Variants in BBS9 observed in about 807,000 individuals in gnomAD.
The protein encoded by BBS9 is Bardet-Biedl syndrome 9.
Under a neutral mutation model 117.7 loss-of-function variants are expected in BBS9, and 89 were observed. The ratio of observed to expected loss-of-function variants is 0.76; its 90% CI spans 0.64 to 0.90. The LOEUF is 0.90. Among genes scored for constraint, BBS9 ranks in the 40% least tolerant of loss-of-function variants. BBS9 has a pLI of 0.00. For synonymous variants in BBS9, 379 were observed against 370.9 expected, an observed-to-expected ratio of 1.02 and a Z score of -0.25; for missense variants, 982 against 1,042.2, an observed-to-expected ratio of 0.94 and a Z score of 0.80.
intron 7 of BBS9, among the ~76,000 whole-genome samples, chr7:33,269,376 G>T (rs896681531): frequency 6.6e-6 from 1 of 152,012 alleles, no homozygotes; most frequent in African/African-American, 2.4e-5. Flanking sequence ...TGCCTGTCAG[G>T]GACCCTGGCT....
chr7:33,153,399 A>G (rs1793649476), intron 3 of BBS9, among the ~76,000 whole-genome samples: 1 of 152,170 alleles, frequency 6.6e-6, no homozygotes, highest in African/African-American at 2.4e-5. Context: ...ACTTTGGGTA[A>G]TATGTCTGCT....
intron 5 of BBS9, among the ~76,000 whole-genome samples, chr7:33,223,850 G>A (rs562176706): frequency 1.7e-3 from 253 of 152,252 alleles, no homozygotes; most frequent in African/African-American, 5.9e-3. Context: ...GATAGCTTCC[G>A]CTCCAAGGCT....
At chr7:33,404,468 A>G (rs1436847599) in intron 19 of BBS9, among the ~76,000 whole-genome samples, 1 of 152,018 alleles carries the variant, frequency 6.6e-6, no homozygotes, top group Non-Finnish European at 1.5e-5. Flanking sequence ...GATTCTTCCT[A>G]CCCATGAGCA....
intron 9 of BBS9, among the ~76,000 whole-genome samples, chr7:33,306,978 TGTAC>T (rs919743829): frequency 7.1e-5 from 8 of 113,370 alleles, no homozygotes; most frequent in Non-Finnish European, 1.5e-4. Context: ...GAACATTGTA[TGTAC>T]GCGGTATCTG....
chr7:33,630,880 A>C (rs1025633575), intron 21 of BBS9, among the ~76,000 whole-genome samples: 1 of 152,170 alleles, frequency 6.6e-6, no homozygotes, highest in Non-Finnish European at 1.5e-5. Context: ...TGTGCCAGGC[A>C]CTGTGCTTAG....
At chr7:33,331,779 A>T (rs2128612459) in intron 9 of BBS9, among the ~76,000 whole-genome samples, 1 of 152,276 alleles carries the variant, frequency 6.6e-6, no homozygotes, top group African/African-American at 2.4e-5. Context: ...AAAACTGCAA[A>T]ACACTGCTGG....
intron 19 of BBS9, among the ~76,000 whole-genome samples, chr7:33,447,325 G>A (rs1837138807): frequency 6.6e-6 from 1 of 152,180 alleles, no homozygotes; most frequent in African/African-American, 2.4e-5. Flanking sequence ...ACCTCTCAAA[G>A]AAATAGATGT....
At chr7:33,424,364 G>A (rs1463941588) in intron 19 of BBS9, among the ~76,000 whole-genome samples, 1 of 152,118 alleles carries the variant, frequency 6.6e-6, no homozygotes, top group Non-Finnish European at 1.5e-5. Context: ...TAGTAGTTCT[G>A]AAATTTGCTT....
chr7:33,219,015 G>A (rs1484491820), intron 5 of BBS9, among the ~76,000 whole-genome samples: 1 of 152,244 alleles, frequency 6.6e-6, no homozygotes, highest in Non-Finnish European at 1.5e-5. Context: ...GGCGGCGCTT[G>A]CGGGCCAGCT....
intron 20 of BBS9, among the ~76,000 whole-genome samples, chr7:33,521,644 G>A (rs1585108720): frequency 7.2e-6 from 1 of 139,272 alleles, no homozygotes; most frequent in Admixed American, 7.2e-5. Flanking sequence ...ATAAAAACAT[G>A]AATATGATTT....
intron 9 of BBS9, among the ~76,000 whole-genome samples, chr7:33,288,604 A>G (rs901121768): frequency 5.3e-5 from 8 of 152,194 alleles, no homozygotes; most frequent in Non-Finnish European, 1.2e-4. Context: ...TCATCAAAAA[A>G]TTACCTTTTA....
intron 19 of BBS9, among the ~76,000 whole-genome samples, chr7:33,439,701 G>A (rs140144942): frequency 0.03 from 4,512 of 151,992 alleles, 227 homozygotes; most frequent in African/African-American, 0.1. Flanking sequence ...GCTAATTTTT[G>A]TATTTTTAGT....
intron 5 of BBS9, among the ~76,000 whole-genome samples, chr7:33,211,323 C>T (rs75404914): frequency 0.029 from 4,381 of 151,784 alleles, 103 homozygotes; most frequent in Non-Finnish European, 0.04. Flanking sequence ...GTGTGTGTAT[C>T]TCTTGTATGT....
At chr7:33,232,030 C>G (rs1792554677) in intron 5 of BBS9, among the ~76,000 whole-genome samples, 1 of 152,152 alleles carries the variant, frequency 6.6e-6, no homozygotes, top group Non-Finnish European at 1.5e-5. Flanking sequence ...AAATTAAGGA[C>G]TGCATTGCAA....
At chr7:33,293,103 CA>C (rs1804425230) in intron 9 of BBS9, among the ~76,000 whole-genome samples, 1 of 151,720 alleles carries the variant, frequency 6.6e-6, no homozygotes, top group Non-Finnish European at 1.5e-5. Context: ...TTTTTATGTA[CA>C]AAATTTCTCA....
At chr7:33,610,573 A>G (rs779275751), downstream of BBS9, among the ~76,000 whole-genome samples, 16 of 152,216 alleles carry the variant, frequency 1.1e-4, no homozygotes, top group Non-Finnish European at 1.9e-4. Flanking sequence ...CACTTTCAAG[A>G]TAATGACATT....
chr7:33,375,111 G>A (rs999805122), intron 17 of BBS9, among the ~76,000 whole-genome samples: 1 of 152,008 alleles, frequency 6.6e-6, no homozygotes, highest in Non-Finnish European at 1.5e-5. Context: ...CTGATGTGAT[G>A]CATTTTTTTA....
chr7:33,349,154 C>T lies in BBS9; in HGVS notation c.1416C>T (p.Phe472=). Residue 472 remains phenylalanine, a synonymous_variant, in exon 13 of 23, where the codon TTC becomes TTT. Transcript: ENST00000242067. ...CATTAGAATTGACTTGTGATCAGTTCACCTTTGAATTTATGAGTAAGTTTT... is the reference window on the plus strand; with the variant it reads ...CATTAGAATTGACTTGTGATCAGTTTACCTTTGAATTTATGAGTAAGTTTT... ...QPPLELTCDQ[F]TFEFMTPDLT... 6.2e-7 allele frequency: 1 copy of T among 1,612,468 alleles called. No homozygotes were observed. Among genetic ancestry groups the T allele is most frequent in the Non-Finnish European group, 8.5e-7 (1 of 1,178,778 alleles).
intron 9 of BBS9, among the ~76,000 whole-genome samples, chr7:33,326,454 A>G (rs1322010412): frequency 6.6e-6 from 1 of 152,040 alleles, no homozygotes. Context: ...GGGGACCTGA[A>G]GAGCTTGCTT....
Sources: allele counts gnomAD v4.1 joint callset (sites outside exome capture counted in the v4.1 genomes callset), GRCh38; gene constraint gnomAD v4.1.1; transcripts MANE v1.5; gene names NCBI Gene and HGNC (gene_info 2026-07-23, HGNC 2026-07-21).